HTR4: variants seen among roughly 807,000 people sequenced by gnomAD.
HTR4 encodes the protein 5-hydroxytryptamine receptor 4, also known as 5-hydroxytryptamine (serotonin) receptor 4, G protein-coupled.
A neutral mutation model predicts 36.8 loss-of-function variants in HTR4; 16 were observed. The observed-to-expected ratio is 0.43, with a 90% CI of 0.29 to 0.66. HTR4 has a LOEUF of 0.66. Among genes scored for constraint, HTR4 ranks in the 30% least tolerant of loss-of-function variants. HTR4 has a pLI of 0.13. For synonymous variants in HTR4, 189 were observed against 185.1 expected, an observed-to-expected ratio of 1.02 and a Z score of -0.17; for missense variants, 438 against 490.9, an observed-to-expected ratio of 0.89 and a Z score of 1.02.
chr5:148,487,048 CTTG>C (rs1448003610), intron 6 of HTR4, among the ~76,000 whole-genome samples: 1 of 152,160 alleles, frequency 6.6e-6, no homozygotes, highest in Non-Finnish European at 1.5e-5. Flanking sequence ...AATGCAGTTT[CTTG>C]TTGTAATCAT....
At chr5:148,513,190 T>C (rs1278101151) in intron 5 of HTR4, among the ~76,000 whole-genome samples, 1 of 152,004 alleles carries the variant, frequency 6.6e-6, no homozygotes, top group Admixed American at 6.6e-5. Context: ...AGGGTTTCAT[T>C]GTGTGGCTCA....
chr5:148,565,098 A>C (rs904765302), intron 2 of HTR4, among the ~76,000 whole-genome samples: 26 of 144,334 alleles, frequency 1.8e-4, no homozygotes, highest in African/African-American at 6.8e-4. Context: ...CAACAGAGTG[A>C]GACTCCATCT....
At chr5:148,583,029 G>A (rs1374896394) in intron 2 of HTR4, among the ~76,000 whole-genome samples, 140 of 146,108 alleles carry the variant, frequency 9.6e-4, no homozygotes, top group South Asian at 1.6e-3. Flanking sequence ...CAAAGGGAAT[G>A]CTTCCAGTTT....
At chr5:148,595,960 G>T (rs1465861823) in intron 2 of HTR4, among the ~76,000 whole-genome samples, 1 of 152,300 alleles carries the variant, frequency 6.6e-6, no homozygotes, top group East Asian at 1.9e-4. Flanking sequence ...TCGTACAGAT[G>T]ATCAGTTGCT....
chr5:148,459,098 G>A (rs570911584), intron 5 of HTR4, among the ~76,000 whole-genome samples: 1 of 152,322 alleles, frequency 6.6e-6, no homozygotes, highest in African/African-American at 2.4e-5. Context: ...CTTCAAGGTA[G>A]AGCTGACAGG....
chr5:148,651,139 A>T (rs1283399841), intron 1 of HTR4, among the ~76,000 whole-genome samples: 1 of 152,212 alleles, frequency 6.6e-6, no homozygotes, highest in Non-Finnish European at 1.5e-5. Context: ...ATTAAATAAG[A>T]TCATTCTCAT....
At chr5:148,584,427 T>TGACTAC (rs1182697421) in intron 2 of HTR4, among the ~76,000 whole-genome samples, 1 of 152,286 alleles carries the variant, frequency 6.6e-6, no homozygotes, top group East Asian at 1.9e-4. Context: ...CTCTGCTTAG[T>TGACTAC]GACTACTTTC....
Position 148,481,992 on chromosome 5 carries a change from CAG to C in HTR4, c.*1209_*1210del. ...TAGCAGCATACTGTTGTCTTAGAAA[CAG>C]AAAGAAAACTTAAAGGTCCTCTAGT... On this transcript the variant is annotated 3_prime_UTR_variant, in exon 7 of 7. Coordinates refer to ENST00000377888, the MANE Select transcript of HTR4 (RefSeq NM_000870.7). The C allele has an allele frequency of 9.9e-7, 1 of 1,008,332 alleles. No individual in the cohort carries two copies. The highest frequency in any genetic ancestry group is 1.2e-6 in the Non-Finnish European group (1 of 845,422). 62.5% of individuals were successfully genotyped at this position (1,008,332 alleles called of 1,614,324 possible).
Position 148,654,475 on chromosome 5 carries a change from C to T in HTR4, c.-461G>A. The T allele has an allele frequency of 1.0e-6, 1 of 985,452 alleles. No individual in the cohort carries two copies. The highest frequency in any genetic ancestry group is 1.2e-6 in the Non-Finnish European group (1 of 830,020). The allele number at this position is 985,452 out of a possible 1,614,324, so 61.0% of individuals were successfully genotyped here. A position where few individuals can be genotyped will look rare whatever the true frequency, so the allele number is the denominator to read the frequency against. On this transcript the variant is annotated 5_prime_UTR_variant, in exon 1 of 7. It adds an upstream start codon to the 5' untranslated region. Transcript: ENST00000377888. ...ACAGAGGCGGGCTGGAGCGATCTCA[C>T]CCGTTCCGGGCTGGCCAGCACGCGC...
chr5:148,651,920 T>C (rs1041443217), intron 1 of HTR4, among the ~76,000 whole-genome samples: 4 of 152,128 alleles, frequency 2.6e-5, no homozygotes, highest in African/African-American at 7.2e-5. Context: ...GAAAGAACCC[T>C]TGGAAATGAT....
intron 2 of HTR4, among the ~76,000 whole-genome samples, chr5:148,573,039 T>C (rs201371172): frequency 6.6e-6 from 1 of 152,062 alleles, no homozygotes; most frequent in Non-Finnish European, 1.5e-5. Context: ...GGAGATCTCA[T>C]TCGAGAGACC....
At chr5:148,490,216 T>C (rs1275412029) in intron 6 of HTR4, among the ~76,000 whole-genome samples, 1 of 149,316 alleles carries the variant, frequency 6.7e-6, no homozygotes, top group Admixed American at 6.7e-5. Flanking sequence ...TATATATATG[T>C]ATATATATCC....
intron 2 of HTR4, among the ~76,000 whole-genome samples, chr5:148,610,355 G>A (rs1026255290): frequency 2.1e-4 from 32 of 152,190 alleles, no homozygotes; most frequent in Non-Finnish European, 4.0e-4. Flanking sequence ...GCCTCCTCAA[G>A]TGGGTCCCTG....
At chr5:148,509,024 T>C (rs547091584) in intron 6 of HTR4, among the ~76,000 whole-genome samples, 2 of 152,218 alleles carry the variant, frequency 1.3e-5, no homozygotes, top group East Asian at 1.9e-4. Flanking sequence ...TCCATGCTTT[T>C]AACCACTACT....
intron 2 of HTR4, among the ~76,000 whole-genome samples, chr5:148,581,977 C>A (rs1761153764): frequency 6.6e-6 from 1 of 152,008 alleles, no homozygotes; most frequent in Non-Finnish European, 1.5e-5. Context: ...CACACAAAAT[C>A]CACATTTTTA....
intron 4 of HTR4, among the ~76,000 whole-genome samples, chr5:148,529,758 G>A (rs1758463918): frequency 6.6e-6 from 1 of 152,228 alleles, no homozygotes; most frequent in African/African-American, 2.4e-5. Flanking sequence ...AGGAAGATGT[G>A]AGAAAGTTTG....
At chr5:148,491,349 G>A (rs1316352320) in intron 6 of HTR4, among the ~76,000 whole-genome samples, 3 of 151,656 alleles carry the variant, frequency 2.0e-5, no homozygotes, top group African/African-American at 7.3e-5. Flanking sequence ...CTTGCCTTAA[G>A]AATGTATGAG....
At chr5:148,465,764 G>A in intron 5 of HTR4, 1 of 1,528,928 alleles carries the variant, frequency 6.5e-7, no homozygotes, top group African/African-American at 1.4e-5. Flanking sequence ...GAGGACAGAA[G>A]TATAAACAGA....
intron 4 of HTR4, among the ~76,000 whole-genome samples, chr5:148,530,529 G>A (rs183394138): frequency 6.6e-6 from 1 of 152,228 alleles, no homozygotes; most frequent in African/African-American, 2.4e-5. Context: ...AGATTACAGA[G>A]GATGTATGGA....
Sources: allele counts gnomAD v4.1 joint callset (sites outside exome capture counted in the v4.1 genomes callset), GRCh38; gene constraint gnomAD v4.1.1; transcripts MANE v1.5; gene names NCBI Gene and HGNC (gene_info 2026-07-23, HGNC 2026-07-21).